ATF6: variants seen among roughly 807,000 people sequenced by gnomAD.
The protein encoded by ATF6 is activating transcription factor 6.
In ATF6, 53 loss-of-function variants were observed where a neutral mutation model predicts 83.6. That is an observed-to-expected ratio of 0.63 (90% CI 0.51 to 0.80). ATF6 has a LOEUF of 0.80. Ranked by LOEUF, ATF6 falls within the 30% of genes least tolerant of loss-of-function variation. The pLI, the probability that ATF6 is intolerant of heterozygous loss-of-function variation, is 0.00. For missense variants in ATF6, 744 were observed against 797.9 expected (o/e 0.93, Z 0.81); for synonymous variants, 288 against 285.8 (o/e 1.01, Z -0.08).
chr1:161,842,202 T>C (rs1686373785), intron 9 of ATF6, among the ~76,000 whole-genome samples: 2 of 152,144 alleles, frequency 1.3e-5, no homozygotes, highest in Admixed American at 1.3e-4. Flanking sequence ...TTTAGGGAAC[T>C]GAGATAGGAA....
intron 5 of ATF6, 124 bp from the exon 6 acceptor site, chr1:161,792,000 C>G (rs1334462701): frequency 9.5e-6 from 8 of 841,580 alleles, no homozygotes; most frequent in Non-Finnish European, 1.4e-5. Context: ...TGCTTAAACT[C>G]CAGTTAAAGA....
At position 161,794,575 on chromosome 1, in the gene ATF6, A is replaced by T. The variant is rs573326815; in HGVS notation, c.688+2248A>T. On this transcript the variant is annotated intron_variant, in intron 6 of 15. Coordinates refer to ENST00000367942, the MANE Select transcript of ATF6 (RefSeq NM_007348.4). ...GGGATCTACCCACCTTGATCTCCCAAAGCTCTGGGATTAAGGCGTGAGCCA... is the reference window on the plus strand; with the variant it reads ...GGGATCTACCCACCTTGATCTCCCATAGCTCTGGGATTAAGGCGTGAGCCA... 3.3e-5 allele frequency among the ~76,000 whole-genome samples: 5 copies of T among 152,212 alleles called. No individual in the cohort carries two copies. In the South Asian group the frequency reaches 1.0e-3, roughly 32 times the overall value.
intron 1 of ATF6, among the ~76,000 whole-genome samples, chr1:161,771,993 C>T (rs758807890): frequency 2.6e-5 from 4 of 152,200 alleles, no homozygotes; most frequent in Non-Finnish European, 5.9e-5. Flanking sequence ...AGTCTTGTCA[C>T]TACCAATAAC....
chr1:161,791,058 TTA>T (rs1215572373), intron 4 of ATF6, among the ~76,000 whole-genome samples: 159 of 120,768 alleles, frequency 1.3e-3, no homozygotes, highest in East Asian at 5.7e-3. Context: ...GAACCAAGTT[TTA>T]TATGTGTGTG....
At chr1:161,829,482 T>G (rs1306906688) in intron 9 of ATF6, among the ~76,000 whole-genome samples, 5 of 152,134 alleles carry the variant, frequency 3.3e-5, no homozygotes, top group South Asian at 4.1e-4. Flanking sequence ...ATCGCACTTA[T>G]TCCAAAATTG....
chr1:161,863,417 G>A (rs1055923406), intron 14 of ATF6, 105 bp downstream of exon 14: 15 of 747,872 alleles, frequency 2.0e-5, no homozygotes, highest in African/African-American at 7.0e-5. Context: ...GAAATAGGAA[G>A]CAATATAAAA....
chr1:161,963,322 G>A lies in ATF6; in HGVS notation c.*4668G>A, dbSNP rs923949952. 6.6e-6 allele frequency: 1 copy of A among 152,122 alleles called. No homozygotes were observed. Among genetic ancestry groups the A allele is most frequent in the Non-Finnish European group, 1.5e-5 (1 of 68,014 alleles). The allele number at this position is 152,122 out of a possible 1,614,324, so 9.4% of individuals were successfully genotyped here. On this transcript the variant is annotated 3_prime_UTR_variant, in exon 16 of 16. Coordinates refer to ENST00000367942, the MANE Select transcript of ATF6 (RefSeq NM_007348.4). ...AATTTATGAAAAGAAGAATGACAAA[G>A]GTATCTGATTAGAAAATTTGATCTT...
intron 15 of ATF6, among the ~76,000 whole-genome samples, chr1:161,929,722 G>A (rs1194390223): frequency 6.6e-6 from 1 of 152,152 alleles, no homozygotes; most frequent in Non-Finnish European, 1.5e-5. Flanking sequence ...AAAGAAATAT[G>A]GTGAGTTTGG....
At chr1:161,812,677 C>T (rs1223532572) in intron 7 of ATF6, among the ~76,000 whole-genome samples, 4 of 151,958 alleles carry the variant, frequency 2.6e-5, no homozygotes. Context: ...CAGGCGTGAG[C>T]CACCGCGCCC....
Position 161,863,954 on chromosome 1 carries a change from A to G in ATF6, c.1719+642A>G, listed in dbSNP as rs191585090. On this transcript the variant is annotated intron_variant, in intron 14 of 15. Transcript: ENST00000367942. Reference sequence around the variant, plus strand: ...TCTACTTTTTCTATAAAATGAAAATATTTTCTTCATAGAATTGCCATGTGA... The same window carrying G: ...TCTACTTTTTCTATAAAATGAAAATGTTTTCTTCATAGAATTGCCATGTGA... Among the ~76,000 whole-genome samples the G allele has an allele frequency of 2.3e-3, 354 of 152,286 alleles. 3 individuals are homozygous for G. The highest frequency in any genetic ancestry group is 8.3e-3 in the African/African-American group (346 of 41,564).
rs1022953543 is a variant in ATF6, at chr1:161,959,607, T to C, written c.*953T>C. Reference sequence around the variant, plus strand: ...ATGGCGTGAACCCGGGAGGCGGAGCTTGCAGTGAGCCGAGATCCCGCCACT... The same window carrying C: ...ATGGCGTGAACCCGGGAGGCGGAGCCTGCAGTGAGCCGAGATCCCGCCACT... On this transcript the variant is annotated 3_prime_UTR_variant, in exon 16 of 16. Coordinates refer to ENST00000367942, the MANE Select transcript of ATF6 (RefSeq NM_007348.4). 2 of 144,342 alleles carry C rather than the reference T, an allele frequency of 1.4e-5. No homozygotes were observed. Among genetic ancestry groups the C allele is most frequent in the Non-Finnish European group, 3.0e-5 (2 of 66,894 alleles). The allele number at this position is 144,342 out of a possible 1,614,324, so 8.9% of individuals were successfully genotyped here. A position where few individuals can be genotyped will look rare whatever the true frequency, so the allele number is the denominator to read the frequency against.
At chr1:161,792,038 A>C in intron 5 of ATF6, 86 bp from the exon 6 acceptor site, 2 of 1,088,288 alleles carry the variant, frequency 1.8e-6, no homozygotes, top group Non-Finnish European at 2.8e-6. Flanking sequence ...GATAATGTGT[A>C]GAGAAAGGTG....
intron 10 of ATF6, among the ~76,000 whole-genome samples, chr1:161,851,164 AC>A (rs1686610535): frequency 6.8e-6 from 1 of 147,950 alleles, no homozygotes; most frequent in Non-Finnish European, 1.5e-5. Context: ...ACACACACAC[AC>A]ACACACCCCT....
chr1:161,947,640 G>GA (rs1363575160), intron 15 of ATF6, among the ~76,000 whole-genome samples: 8 of 151,618 alleles, frequency 5.3e-5, no homozygotes, highest in Admixed American at 2.0e-4. Flanking sequence ...AATAATTTCT[G>GA]AAAAAAAGAA....
rs989482517 is a variant in ATF6 at position 161,766,331 on chromosome 1, A to G, written c.-30A>G. 16 of 1,601,584 alleles carry G rather than the reference A, an allele frequency of 1.0e-5. No homozygotes were observed. The highest frequency in any genetic ancestry group is 2.7e-5 in the African/African-American group (2 of 74,606). ...GCCGCCGCCGTCCCAGATATTAATC[A>G]CGGAGTTCCAGGGAGAAGGAACTTG... is the stretch of plus-strand genomic sequence containing the variant. On this transcript the variant is annotated 5_prime_UTR_variant, in exon 1 of 16. Coordinates refer to ENST00000367942, the MANE Select transcript of ATF6 (RefSeq NM_007348.4).
chr1:161,894,704 T>G (rs1687638323), intron 14 of ATF6, among the ~76,000 whole-genome samples: 1 of 113,656 alleles, frequency 8.8e-6, no homozygotes, highest in Admixed American at 8.4e-5. Flanking sequence ...CCGGGCTAAT[T>G]TTTTTTTTTT....
chr1:161,937,248 T>C lies in ATF6; in HGVS notation c.1805-21198T>C, dbSNP rs1688552893. On this transcript the variant is annotated intron_variant, in intron 15 of 15. Coordinates refer to ENST00000367942, the MANE Select transcript of ATF6 (RefSeq NM_007348.4). ...AGTCCCTGCTACTCGGGAGGCTGAGTTGGGAGAATCACGTGAACCCAGGCA... is the reference window on the plus strand; with the variant it reads ...AGTCCCTGCTACTCGGGAGGCTGAGCTGGGAGAATCACGTGAACCCAGGCA... Among the ~76,000 whole-genome samples, 3 of 151,080 alleles carry C rather than the reference T, an allele frequency of 2.0e-5. No individual in the cohort carries two copies. The East Asian group carries it at 5.8e-4, about 29-fold the overall frequency.
chr1:161,877,065 A>G (rs1687230082), intron 14 of ATF6, among the ~76,000 whole-genome samples: 1 of 152,126 alleles, frequency 6.6e-6, no homozygotes, highest in Admixed American at 6.6e-5. Flanking sequence ...TGGAGTCCAT[A>G]TAACTAAGCT....
At chr1:161,806,339 A>G (rs1685282103) in intron 7 of ATF6, among the ~76,000 whole-genome samples, 1 of 152,240 alleles carries the variant, frequency 6.6e-6, no homozygotes, top group African/African-American at 2.4e-5. Flanking sequence ...CCTACCCATC[A>G]TAATCGCATA....
Sources: allele counts gnomAD v4.1 joint callset (sites outside exome capture counted in the v4.1 genomes callset), GRCh38; gene constraint gnomAD v4.1.1; transcripts MANE v1.5; gene names NCBI Gene and HGNC (gene_info 2026-07-23, HGNC 2026-07-21).